Variants in INPP5A observed in about 807,000 individuals in gnomAD.
The protein encoded by INPP5A is 43 kDa inositol polyphosphate 5-phophatase.
INPP5A carries 14 observed loss-of-function variants against 65.2 expected under a neutral mutation model. The ratio of observed to expected loss-of-function variants is 0.21; its 90% confidence interval spans 0.14 to 0.34. The LOEUF (loss-of-function observed/expected upper bound fraction) is 0.34. Ranked by LOEUF, INPP5A falls within the 10% of genes least tolerant of loss-of-function variation. The pLI, the probability that INPP5A is intolerant of heterozygous loss-of-function variation, is 1.00. For synonymous variants in INPP5A, 207 were observed against 208.3 expected (o/e 0.99, Z 0.05); for missense variants, 431 against 545.6 (o/e 0.79, Z 2.09).
At chr10:132,639,706 C>T (rs191154158) in intron 2 of INPP5A, among the ~76,000 whole-genome samples, 63 of 152,252 alleles carry the variant, frequency 4.1e-4, no homozygotes, top group African/African-American at 1.5e-3. Flanking sequence ...TCTGTTGCTC[C>T]GACTACGCGT....
intron 1 of INPP5A, among the ~76,000 whole-genome samples, chr10:132,569,411 G>A (rs2071310282): frequency 6.6e-6 from 1 of 152,110 alleles, no homozygotes; most frequent in Admixed American, 6.5e-5. Flanking sequence ...GGAGTGCAGT[G>A]GTGGGATCAA....
chr10:132,754,468 G>A lies in INPP5A; in HGVS notation c.903+4623G>A, dbSNP rs1475456048. Among the ~76,000 whole-genome samples, 7 of 152,214 alleles carry A rather than the reference G, an allele frequency of 4.6e-5. No homozygotes were observed. The East Asian group carries it at 1.4e-3, about 30-fold the overall frequency. On this transcript the variant is annotated intron_variant, in intron 11 of 15. Transcript: ENST00000368594. ...TCAGGGCTGGTCAGTGTGTGGGGGC[G>A]AGCACCTATGGGCCTGGGGCATCAC...
intron 8 of INPP5A, among the ~76,000 whole-genome samples, chr10:132,719,331 G>A (rs1487284841): frequency 1.3e-5 from 2 of 149,860 alleles, no homozygotes; most frequent in African/African-American, 4.9e-5. Context: ...TGTCTTCAGG[G>A]TTCTGTGGTA....
intron 8 of INPP5A, among the ~76,000 whole-genome samples, chr10:132,726,408 C>G (rs1270596904): frequency 6.6e-6 from 1 of 152,196 alleles, no homozygotes; most frequent in Non-Finnish European, 1.5e-5. Context: ...TCCCTCCCGC[C>G]TTTCCTGAGC....
rs1459528583 is a variant in INPP5A, at chr10:132,555,864, G to A, written c.75+17693G>A. Among the ~76,000 whole-genome samples, 1 of 152,184 alleles carries A rather than the reference G, an allele frequency of 6.6e-6. No homozygotes were observed. Among genetic ancestry groups the A allele is most frequent in the Non-Finnish European group, 1.5e-5 (1 of 68,036 alleles). ...ATGGCAGCTGCTGCATTAGGAATCT[G>A]CGTCACAGATGAAAAACACGCGTTT... On this transcript the variant is annotated intron_variant, in intron 1 of 15. Transcript: ENST00000368594. This position sits in a 1 kb window ranked among gnomAD's most constrained non-coding sequence, Gnocchi z 4.4.
At chr10:132,682,996 C>T (rs551662063) in intron 4 of INPP5A, among the ~76,000 whole-genome samples, 7 of 151,058 alleles carry the variant, frequency 4.6e-5, no homozygotes, top group East Asian at 2.0e-4. Context: ...CACGTGTACA[C>T]GTGTGTGTTA....
intron 1 of INPP5A, among the ~76,000 whole-genome samples, chr10:132,601,318 A>T (rs2071774654): frequency 6.6e-6 from 1 of 152,174 alleles, no homozygotes; most frequent in African/African-American, 2.4e-5. Context: ...AAAACTGTTT[A>T]AGTCCTCTTC....
At chr10:132,737,063 G>A (rs960173528) in intron 9 of INPP5A, among the ~76,000 whole-genome samples, 8 of 152,250 alleles carry the variant, frequency 5.3e-5, no homozygotes, top group Non-Finnish European at 8.8e-5. Flanking sequence ...CCCTGTGTAT[G>A]GGCAGGCCTG....
intron 9 of INPP5A, among the ~76,000 whole-genome samples, chr10:132,743,619 T>C (rs1384925403): frequency 6.6e-6 from 1 of 152,256 alleles, no homozygotes; most frequent in African/African-American, 2.4e-5. Context: ...GAATCAGCAC[T>C]TTCTTCAAGA....
intron 1 of INPP5A, among the ~76,000 whole-genome samples, chr10:132,601,553 A>G (rs1590859465): frequency 6.6e-6 from 1 of 152,258 alleles, no homozygotes; most frequent in African/African-American, 2.4e-5. Context: ...TGGATATTGC[A>G]TTTAAGAAGT....
At position 132,710,323 on chromosome 10, in the gene INPP5A, T is replaced by C; in HGVS notation, c.528-14T>C. The C allele has an allele frequency of 6.2e-7, 1 of 1,613,648 alleles. No individual in the cohort carries two copies. On this transcript the variant is annotated splice_polypyrimidine_tract_variant and intron_variant, in intron 7 of 15. Coordinates refer to ENST00000368594, the MANE Select transcript of INPP5A (RefSeq NM_005539.5). ...CGGCCCTTGGTGACGTGTCCTTTTC[T>C]CTTTTGGTTGCAGTGCCTTTGACTT...
chr10:132,628,473 G>C lies in INPP5A; in HGVS notation c.118-17395G>C, dbSNP rs1241666798. Among the ~76,000 whole-genome samples, 10 of 150,896 alleles carry C rather than the reference G, an allele frequency of 6.6e-5. 1 individual carries two copies. The highest frequency in any genetic ancestry group is 4.3e-4 in the South Asian group (2 of 4,698). On this transcript the variant is annotated intron_variant, in intron 2 of 15. Transcript: ENST00000368594. ...GATGTGCTCTGGTGGCGGGGGGGGG[G>C]GGGGGCGTGGCGTGGGGGACACGTA... is the stretch of plus-strand genomic sequence containing the variant.
chr10:132,647,354 GT>G, intron 3 of INPP5A, among the ~76,000 whole-genome samples: 1 of 152,106 alleles, frequency 6.6e-6, no homozygotes, highest in Non-Finnish European at 1.5e-5. Context: ...TCCTGACCTT[GT>G]GATCTGCCTG....
Position 132,697,658 on chromosome 10 carries a change from G to A in INPP5A, c.371-158G>A, listed in dbSNP as rs1845366367. On this transcript the variant is annotated intron_variant, in intron 5 of 15. Transcript: ENST00000368594. The surrounding 1 kb of genome is among the most constrained non-coding windows in gnomAD (Gnocchi z 5.6). Reference sequence around the variant, plus strand: ...CAGGCATGGAGTAGCCGGCCCGCTGGGGGTCTGTTCTGGGTCGGACCCCTC... The same window carrying A: ...CAGGCATGGAGTAGCCGGCCCGCTGAGGGTCTGTTCTGGGTCGGACCCCTC... 6.6e-6 allele frequency among the ~76,000 whole-genome samples: 1 copy of A among 152,096 alleles called. No homozygotes were observed. The highest frequency in any genetic ancestry group is 2.1e-4 in the South Asian group (1 of 4,804).
chr10:132,751,203 T>G (rs1001493660), intron 11 of INPP5A, among the ~76,000 whole-genome samples: 4 of 152,194 alleles, frequency 2.6e-5, no homozygotes, highest in Non-Finnish European at 5.9e-5. Flanking sequence ...AGCCCGAGGC[T>G]CCCGTGACGC....
intron 1 of INPP5A, among the ~76,000 whole-genome samples, chr10:132,568,951 G>C (rs1467531059): frequency 7.3e-6 from 1 of 136,684 alleles, no homozygotes; most frequent in Non-Finnish European, 1.5e-5. Flanking sequence ...AATCTCGCTC[G>C]GTCACCCAGG....
intron 8 of INPP5A, among the ~76,000 whole-genome samples, chr10:132,723,595 ATTGGTTTTGTGGGGATTGG>A (rs1845930392): frequency 1.3e-5 from 1 of 79,984 alleles, no homozygotes; most frequent in Non-Finnish European, 2.6e-5. Flanking sequence ...CCGTGTGGGG[ATTGGTTTTGTGGGGATTGG>A]CCGTGTGGGG....
rs1845390630 is a variant in INPP5A, at chr10:132,698,963, C to T, written c.474+1044C>T. On this transcript the variant is annotated intron_variant, in intron 6 of 15. Coordinates refer to ENST00000368594, the MANE Select transcript of INPP5A (RefSeq NM_005539.5). This position sits in a 1 kb window ranked among gnomAD's most constrained non-coding sequence, Gnocchi z 5.5. The stretch of plus-strand genomic sequence containing the variant: ...GTGCTCCTGTCACCCTGTGGCTCGG[C>T]CTCCTCATCCGTCTTCCCAAGGCCA... Among the ~76,000 whole-genome samples, 1 of 152,358 alleles carries T rather than the reference C, an allele frequency of 6.6e-6. No homozygotes were observed. The highest frequency in any genetic ancestry group is 2.1e-4 in the South Asian group (1 of 4,830).
intron 8 of INPP5A, among the ~76,000 whole-genome samples, chr10:132,722,266 G>T (rs1022666846): frequency 1.3e-5 from 2 of 152,136 alleles, no homozygotes; most frequent in Admixed American, 6.5e-5. Flanking sequence ...TTCAGCTACG[G>T]TCGCTTTCAG....
Sources: gnomAD v4.1 joint callset for allele counts (sites outside exome capture counted in the v4.1 genomes callset) on GRCh38, gnomAD v4.1.1 for gene constraint, Gnocchi (gnomAD v3.1) non-coding constraint, MANE v1.5 for transcripts, NCBI Gene and HGNC (gene_info 2026-07-23, HGNC 2026-07-21) for gene names.